Variants in PCDH15 observed in about 807,000 individuals in gnomAD.
PCDH15 encodes the protein protocadherin-15.
Under a neutral mutation model 178.5 loss-of-function variants are expected in PCDH15, and 129 were observed. That is an observed-to-expected ratio of 0.72 (90% CI 0.63 to 0.84). PCDH15 has a LOEUF of 0.84. Among genes scored for constraint, PCDH15 ranks in the 40% least tolerant of loss-of-function variants. PCDH15 has a pLI of 0.00. For synonymous variants in PCDH15, 800 were observed against 732.0 expected, an observed-to-expected ratio of 1.09 and a Z score of -1.50; for missense variants, 2,230 against 2,099.9, an observed-to-expected ratio of 1.06 and a Z score of -1.21.
intron 8 of PCDH15, among the ~76,000 whole-genome samples, chr10:54,238,710 C>CACACACAA (rs1470333410): frequency 1.0e-3 from 156 of 150,350 alleles, no homozygotes; most frequent in Middle Eastern, 3.4e-3. Context: ...CACACACACA[C>CACACACAA]ACACTTTCCC....
intron 18 of PCDH15, among the ~76,000 whole-genome samples, chr10:54,052,889 G>A (rs781030060): frequency 2.6e-5 from 4 of 152,070 alleles, no homozygotes; most frequent in African/African-American, 9.7e-5. Context: ...ATGATACTAC[G>A]TTTTCACAAG....
intron 2 of PCDH15, among the ~76,000 whole-genome samples, chr10:54,942,721 G>A (rs1838095750): frequency 6.6e-6 from 1 of 151,994 alleles, no homozygotes; most frequent in South Asian, 2.1e-4. Context: ...ATAGAGTGCG[G>A]AGCCTGAAAA....
At chr10:54,192,852 T>A (rs2049173919) in intron 11 of PCDH15, among the ~76,000 whole-genome samples, 1 of 152,148 alleles carries the variant, frequency 6.6e-6, no homozygotes, top group Admixed American at 6.5e-5. Context: ...GTACATGGCA[T>A]CATCTCAGGG....
intron 25 of PCDH15, among the ~76,000 whole-genome samples, chr10:53,927,664 T>C (rs2084685672): frequency 6.6e-6 from 1 of 152,136 alleles, no homozygotes; most frequent in African/African-American, 2.4e-5. Context: ...AATTCTGTAT[T>C]GTGCAGGAAA....
At chr10:53,880,357 A>C (rs1371510806) in intron 26 of PCDH15, among the ~76,000 whole-genome samples, 2 of 152,234 alleles carry the variant, frequency 1.3e-5, no homozygotes, top group African/African-American at 4.8e-5. Flanking sequence ...TTAAGAACAC[A>C]GGGTTCACGA....
intron 2 of PCDH15, among the ~76,000 whole-genome samples, chr10:55,163,623 C>T (rs1237347813): frequency 1.3e-5 from 2 of 152,248 alleles, no homozygotes; most frequent in East Asian, 3.9e-4. Context: ...GGTAAAGAAG[C>T]TGCCAAACAA....
At chr10:55,281,761 A>C (rs552841876) in intron 1 of PCDH15, among the ~76,000 whole-genome samples, 25 of 152,020 alleles carry the variant, frequency 1.6e-4, no homozygotes, top group African/African-American at 5.3e-4. Context: ...CAAACTTCTC[A>C]CTCTACACAA....
intron 5 of PCDH15, among the ~76,000 whole-genome samples, chr10:54,358,291 T>C (rs28873430): frequency 0.052 from 7,929 of 151,328 alleles, 218 homozygotes; most frequent in Admixed American, 0.096. Context: ...ATATCCAGAA[T>C]CTACAATGAA....
chr10:54,270,180 A>G (rs1446882217), intron 8 of PCDH15, among the ~76,000 whole-genome samples: 2 of 152,104 alleles, frequency 1.3e-5, no homozygotes, highest in Admixed American at 6.6e-5. Flanking sequence ...ATAGTAGTCA[A>G]TGAATCCAGT....
intron 2 of PCDH15, among the ~76,000 whole-genome samples, chr10:54,999,774 C>T (rs1269229187): frequency 1.3e-5 from 2 of 152,150 alleles, no homozygotes; most frequent in Non-Finnish European, 2.9e-5. Context: ...TCTATATTCC[C>T]TAAGTGTCGG....
At chr10:54,412,087 G>T (rs1305498024) in intron 3 of PCDH15, among the ~76,000 whole-genome samples, 3 of 151,932 alleles carry the variant, frequency 2.0e-5, no homozygotes, top group African/African-American at 7.2e-5. Context: ...TAGATTGAAG[G>T]CATGTGATGG....
intron 7 of PCDH15, among the ~76,000 whole-genome samples, chr10:54,323,444 C>CA (rs1336269248): frequency 6.6e-6 from 1 of 151,878 alleles, no homozygotes; most frequent in Non-Finnish European, 1.5e-5. Flanking sequence ...TTCACAATAG[C>CA]AAAAAACATG....
rs1013102028 is a variant in PCDH15, at chr10:55,350,847, G to C, written c.-155-184196C>G. On this transcript the variant is annotated intron_variant, in intron 2 of 5. Transcript: ENST00000613346. ...TAACATGGGAAATTCTCACACAACT[G>C]TTTGGATTCTACCAATTGGCTCTTC... 6.6e-5 allele frequency among the ~76,000 whole-genome samples: 10 copies of C among 152,130 alleles called. 1 individual carries two copies. The South Asian group carries it at 8.3e-4, about 13-fold the overall frequency.
intron 2 of PCDH15, among the ~76,000 whole-genome samples, chr10:55,385,781 A>G (rs1315924785): frequency 1.4e-5 from 2 of 144,920 alleles, no homozygotes; most frequent in East Asian, 2.0e-4. Flanking sequence ...GTATATAGAT[A>G]TGCATATCTC....
At chr10:55,357,417 G>C (rs1845107016) in intron 2 of PCDH15, among the ~76,000 whole-genome samples, 1 of 151,826 alleles carries the variant, frequency 6.6e-6, no homozygotes. Context: ...AATCTCTAAG[G>C]TAGAAACTTT....
intron 18 of PCDH15, among the ~76,000 whole-genome samples, chr10:54,029,219 A>C (rs2093219368): frequency 6.6e-6 from 1 of 152,206 alleles, no homozygotes; most frequent in Non-Finnish European, 1.5e-5. Flanking sequence ...TATTATCAGC[A>C]GTACTGTCAA....
chr10:54,155,452 A>T (rs1313438940), intron 13 of PCDH15, among the ~76,000 whole-genome samples: 1 of 152,148 alleles, frequency 6.6e-6, no homozygotes, highest in Non-Finnish European at 1.5e-5. Flanking sequence ...CAAAATAAGG[A>T]TTCTATGTTT....
intron 15 of PCDH15, among the ~76,000 whole-genome samples, chr10:54,098,015 T>C (rs1228293297): frequency 6.6e-6 from 1 of 152,154 alleles, no homozygotes; most frequent in Non-Finnish European, 1.5e-5. Flanking sequence ...GGAGCCTAAC[T>C]TTAATATACT....
intron 1 of PCDH15, among the ~76,000 whole-genome samples, chr10:54,680,794 G>T (rs947911472): frequency 6.6e-6 from 1 of 152,144 alleles, no homozygotes; most frequent in African/African-American, 2.4e-5. Context: ...GGCCTCCCCA[G>T]CCATGTGGAA....
Sources: allele counts gnomAD v4.1 joint callset (sites outside exome capture counted in the v4.1 genomes callset), GRCh38; gene constraint gnomAD v4.1.1; transcripts MANE v1.5; gene names NCBI Gene and HGNC (gene_info 2026-07-23, HGNC 2026-07-21).